The following BICD2 variants were observed in gnomAD, a reference collection of about 807,000 sequenced individuals.
BICD2 encodes protein bicaudal D homolog 2.
BICD2 carries 25 observed loss-of-function variants against 72.9 expected under a neutral mutation model. That is an observed-to-expected ratio of 0.34 (90% CI 0.25 to 0.48). The LOEUF is 0.48. Among genes scored for constraint, BICD2 ranks in the 20% least tolerant of loss-of-function variants. The pLI is 0.99. For synonymous variants in BICD2, 501 were observed against 516.1 expected (o/e 0.97, Z 0.40); for missense variants, 894 against 1,175.2 (o/e 0.76, Z 3.50).
intron 1 of BICD2, among the ~76,000 whole-genome samples, chr9:92,754,181 A>C (rs560201988): frequency 6.6e-6 from 1 of 151,758 alleles, no homozygotes; most frequent in East Asian, 1.9e-4. Flanking sequence ...GCTACAATAC[A>C]CATGACACTT....
At chr9:92,756,116 C>T (rs945303885) in intron 1 of BICD2, among the ~76,000 whole-genome samples, 2 of 152,354 alleles carry the variant, frequency 1.3e-5, no homozygotes, top group African/African-American at 2.4e-5. Flanking sequence ...TTGGCATCTA[C>T]ACCCACTAGA....
In BICD2 at chr9:92,720,382, G is replaced by A. The variant is rs772728967; in HGVS notation, c.980C>T (p.Pro327Leu). ...GTCGGAGACGAGGCTGGGGGAGGGCGGTGCGAGGCCCTCCTTCTTGGGCGT... is the reference window on the plus strand; with the variant it reads ...GTCGGAGACGAGGCTGGGGGAGGGCAGTGCGAGGCCCTCCTTCTTGGGCGT... ...TSTPKKEGLA[P>L]PSPSLVSDLL... Residue 327 changes from proline to leucine, a missense_variant, in exon 4 of 7, where the codon CCG becomes CTG. Physicochemically the swap from Pro to Leu is moderately conservative, Grantham distance 98. Around this residue, in one of 5 missense-constraint regions of BICD2, gnomAD observed 371 missense variants for 439.1 expected, o/e 0.84. Transcript: ENST00000356884. The surrounding 1 kb of genome is among the most constrained non-coding windows in gnomAD (Gnocchi z 5.4). 65 of 1,613,968 alleles carry A rather than the reference G, an allele frequency of 4.0e-5. No homozygotes were observed. The highest frequency in any genetic ancestry group is 2.1e-4 in the South Asian group (19 of 91,084).
At chr9:92,722,529 G>T in intron 3 of BICD2, 127 bp downstream of exon 3, 1 of 1,269,600 alleles carries the variant, frequency 7.9e-7, no homozygotes, top group South Asian at 1.4e-5. Flanking sequence ...TGGTAAAGCT[G>T]GCCCTGGGCC....
At chr9:92,722,340 G>A (rs1416453978) in intron 3 of BICD2, among the ~76,000 whole-genome samples, 1 of 152,196 alleles carries the variant, frequency 6.6e-6, no homozygotes, top group African/African-American at 2.4e-5. Flanking sequence ...CACCTGATGG[G>A]GGAGTCTCAA....
chr9:92,738,832 G>A (rs756371141), intron 1 of BICD2, among the ~76,000 whole-genome samples: 4 of 152,340 alleles, frequency 2.6e-5, no homozygotes, highest in East Asian at 1.9e-4. Context: ...AGAGCCAGCC[G>A]CAGCATTCCA....
rs1407486176 is a variant in BICD2, at chr9:92,764,489, G to A, written c.240+16C>T. Reference sequence around the variant, plus strand: ...GGCGCCGGGCGGGGGTCGCAGGGCAGGGCGGCTCGGCTCACCTCCTTGAGC... The same window carrying A: ...GGCGCCGGGCGGGGGTCGCAGGGCAAGGCGGCTCGGCTCACCTCCTTGAGC... On this transcript the variant is annotated intron_variant, in intron 1 of 6. Transcript: ENST00000356884. This position sits in a 1 kb window ranked among gnomAD's most constrained non-coding sequence, Gnocchi z 5.5. The A allele has an allele frequency of 1.3e-6, 2 of 1,499,734 alleles. No homozygotes were observed. The highest frequency in any genetic ancestry group is 1.8e-6 in the Non-Finnish European group (2 of 1,120,728). 92.9% of individuals were successfully genotyped at this position (1,499,734 alleles called of 1,614,324 possible).
Position 92,718,633 on chromosome 9 carries a change from G to A in BICD2, c.2012C>T (p.Ala671Val), listed in dbSNP as rs200086216. Residue 671 changes from alanine (A) to valine (V), a missense_variant, in exon 5 of 7, where the codon GCG (alanine) becomes GTG (valine). Physicochemically the swap from Ala to Val is moderately conservative, Grantham distance 64. Coordinates refer to ENST00000356884, the MANE Select transcript of BICD2 (RefSeq NM_001003800.2). ...LGPAVDKDKE[A>V]LMEEILKLKS... is the part of the protein sequence containing the mutation. Reference sequence around the variant, plus strand: ...CAGCTTGAGGATCTCCTCCATAAGCGCTTCCTTGTCCTTGTCCACGGCGGG... The same window carrying A: ...CAGCTTGAGGATCTCCTCCATAAGCACTTCCTTGTCCTTGTCCACGGCGGG... 1.7e-4 allele frequency: 278 copies of A among 1,613,868 alleles called. 2 individuals carry two copies. The highest frequency in any genetic ancestry group is 5.9e-6 in the Non-Finnish European group (7 of 1,180,032).
At chr9:92,750,709 T>A (rs980428291) in intron 1 of BICD2, among the ~76,000 whole-genome samples, 16 of 152,092 alleles carry the variant, frequency 1.1e-4, no homozygotes, top group African/African-American at 3.6e-4. Flanking sequence ...CCTGTAATGG[T>A]AGATAAATGC....
intron 1 of BICD2, among the ~76,000 whole-genome samples, chr9:92,742,968 C>T (rs1289534984): frequency 6.6e-6 from 1 of 152,172 alleles, no homozygotes; most frequent in Non-Finnish European, 1.5e-5. Context: ...ATTTGACAGA[C>T]ACTTGGGTTG....
At chr9:92,751,481 A>AG (rs1854149166) in intron 1 of BICD2, among the ~76,000 whole-genome samples, 1 of 152,166 alleles carries the variant, frequency 6.6e-6, no homozygotes, top group Non-Finnish European at 1.5e-5. Context: ...AGAGTCTATA[A>AG]GACTAAAGGC....
At chr9:92,761,967 C>T (rs986077006) in intron 1 of BICD2, among the ~76,000 whole-genome samples, 2 of 152,194 alleles carry the variant, frequency 1.3e-5, no homozygotes, top group African/African-American at 2.4e-5. Flanking sequence ...ACAGGACTGG[C>T]ACTGTCTCCC....
rs561448506 is a variant in BICD2 at position 92,748,298 on chromosome 9, C to T, written c.240+16207G>A. On this transcript the variant is annotated intron_variant, in intron 1 of 6. Coordinates refer to ENST00000356884, the MANE Select transcript of BICD2 (RefSeq NM_001003800.2). ...TGTACCCCTCTCCAGGGCTGAATCA[C>T]GCACGATGTGCACAGCAGGGAGGAT... 4.9e-4 allele frequency among the ~76,000 whole-genome samples: 75 copies of T among 152,256 alleles called. No homozygotes were observed. The South Asian group carries it at 0.014, about 28-fold the overall frequency.
At chr9:92,740,546 G>A (rs1352457033) in intron 1 of BICD2, among the ~76,000 whole-genome samples, 5 of 151,888 alleles carry the variant, frequency 3.3e-5, no homozygotes, top group Admixed American at 1.3e-4. Context: ...GAGGGGGGGC[G>A]TTGTGGTGGA....
intron 2 of BICD2, among the ~76,000 whole-genome samples, chr9:92,724,447 A>G (rs1424708335): frequency 6.6e-6 from 1 of 152,248 alleles, no homozygotes; most frequent in East Asian, 1.9e-4. Context: ...ACTATTTACA[A>G]TGAAGATTAC....
intron 1 of BICD2, among the ~76,000 whole-genome samples, chr9:92,747,721 G>A (rs1019698240): frequency 5.9e-5 from 9 of 152,202 alleles, no homozygotes; most frequent in Non-Finnish European, 8.8e-5. Flanking sequence ...CCTCTCACAC[G>A]GGAAGGGTTC....
intron 1 of BICD2, among the ~76,000 whole-genome samples, chr9:92,741,415 CAAGT>C (rs771523104): frequency 6.6e-6 from 1 of 152,198 alleles, no homozygotes; most frequent in Non-Finnish European, 1.5e-5. Context: ...GATAAGCCAA[CAAGT>C]AAGTAAACCA....
intron 1 of BICD2, among the ~76,000 whole-genome samples, chr9:92,759,298 G>A (rs1397033511): frequency 6.6e-6 from 1 of 152,208 alleles, no homozygotes; most frequent in African/African-American, 2.4e-5. Context: ...AGCTGGCAGA[G>A]AGAAACACCC....
chr9:92,748,092 C>A (rs747758640), intron 1 of BICD2, among the ~76,000 whole-genome samples: 18 of 152,122 alleles, frequency 1.2e-4, no homozygotes, highest in Non-Finnish European at 2.2e-4. Flanking sequence ...GCAGGCATTG[C>A]AGGTTCTTTT....
chr9:92,715,521 G>A, intron 6 of BICD2, 58 bp from the exon 7 acceptor site: 1 of 1,510,996 alleles, frequency 6.6e-7, no homozygotes, highest in South Asian at 1.3e-5. Context: ...GGAGGGCAGG[G>A]CAGGGCAGGG....
Sources: gnomAD v4.1 joint callset for allele counts (sites outside exome capture counted in the v4.1 genomes callset) on GRCh38, gnomAD v4.1.1 for gene constraint, gnomAD v4.1.1 regional missense constraint, Gnocchi (gnomAD v3.1) non-coding constraint, MANE v1.5 for transcripts, NCBI Gene and HGNC (gene_info 2026-07-23, HGNC 2026-07-21) for gene names.